NBPF8: variants seen among roughly 807,000 people sequenced by gnomAD.
NBPF8 encodes NBPF family member NBPF8.
At chr1:120,420,293 C>T (rs1301885296) in intron 1 of NBPF8, among the ~76,000 whole-genome samples, 175 bp downstream of exon 2, 1 of 151,484 alleles carries the variant, frequency 6.6e-6, no homozygotes, top group Non-Finnish European at 1.5e-5. Flanking sequence ...ACAGCGTGTG[C>T]CACCCTCGAC....
At chr1:120,430,513 G>T (rs1416196507) in intron 3 of NBPF8, among the ~76,000 whole-genome samples, 1 of 117,536 alleles carries the variant, frequency 8.5e-6, no homozygotes, top group Non-Finnish European at 1.7e-5. Context: ...TCAGCACTTT[G>T]GGAGGCCGAG....
chr1:120,415,588 AC>A (rs1317696765), upstream of NBPF8, among the ~76,000 whole-genome samples: 4 of 151,882 alleles, frequency 2.6e-5, no homozygotes, highest in African/African-American at 7.3e-5. Flanking sequence ...CCTGTGGAGG[AC>A]CCTGACCCCG....
chr1:120,415,199 G>A (rs1432350251), upstream of NBPF8, among the ~76,000 whole-genome samples: 3 of 152,204 alleles, frequency 2.0e-5, no homozygotes, highest in Non-Finnish European at 4.4e-5. Context: ...CGCCAGGAGC[G>A]GGCCGAGGCG....
chr1:120,459,714 T>C, intron 17 of NBPF8, among the ~76,000 whole-genome samples, 184 bp downstream of exon 15: 1 of 152,036 alleles, frequency 6.6e-6, no homozygotes, highest in South Asian at 2.1e-4. Flanking sequence ...GGTGGGTCAG[T>C]GAGCTTTGCT....
chr1:120,450,034 C>T (rs1178914186), intron 11 of NBPF8, among the ~76,000 whole-genome samples: 5 of 152,012 alleles, frequency 3.3e-5, no homozygotes, highest in Non-Finnish European at 5.9e-5. Flanking sequence ...TGGGACCAGC[C>T]TGGGCAACAT....
At chr1:120,424,002 T>G (rs1475343183) in intron 1 of NBPF8, among the ~76,000 whole-genome samples, 1 of 151,858 alleles carries the variant, frequency 6.6e-6, no homozygotes, top group African/African-American at 2.4e-5. Flanking sequence ...AACCCAATGA[T>G]GTAAGTTGAT....
upstream of NBPF8, chr1:120,433,351 TC>T (rs1456188957): frequency 2.6e-5 from 4 of 152,668 alleles, no homozygotes; most frequent in East Asian, 7.7e-4. Flanking sequence ...CATAAATACA[TC>T]AAAGTGAAAG....
At chr1:120,460,114 G>C (rs1296349545) in intron 17 of NBPF8, among the ~76,000 whole-genome samples, 1 of 152,136 alleles carries the variant, frequency 6.6e-6, no homozygotes, top group East Asian at 1.9e-4. Context: ...AGCCATAATA[G>C]CTGATGCTTC....
Position 120,465,987 on chromosome 1 carries a change from C to T in NBPF8, n.3578C>T, listed in dbSNP as rs1184854296. ...TTGTCTCCTTTTCCAGGCTCAACAG[C>T]GTGCTGATGGAAGTGGAAGAGCCTG... On this transcript the variant is annotated non_coding_transcript_exon_variant, in exon 25 of 25. Transcript: ENST00000583271. The T allele has an allele frequency of 1.0e-4, 168 of 1,611,250 alleles. 1 individual carries two copies. The East Asian group carries it at 2.8e-3, about 27-fold the overall frequency.
chr1:120,462,928 T>C (rs1443730699), exon 21 of NBPF8: 1 of 479,542 alleles, frequency 2.1e-6, no homozygotes, highest in Non-Finnish European at 3.5e-6. Context: ...GTTTACTCAT[T>C]GGAGGAACAG....
intron 16 of NBPF8, among the ~76,000 whole-genome samples, chr1:120,456,857 G>A (rs201686767): frequency 5.3e-5 from 8 of 151,890 alleles, no homozygotes; most frequent in South Asian, 2.1e-4. Context: ...TCTTCCTAGC[G>A]TCAATGGTCT....
chr1:120,466,198 A>T, exon 25 of NBPF8: 1 of 1,609,226 alleles, frequency 6.2e-7, no homozygotes, highest in Non-Finnish European at 8.5e-7. Flanking sequence ...GGTCTTCCAG[A>T]TGGGAGTCAT....
In NBPF8 at chr1:120,464,366, C is replaced by T. The variant is rs1434063400; in HGVS notation, n.3287-10C>T. 0.23 allele frequency: 176,482 copies of T among 775,086 alleles called. 27,841 individuals are homozygous for T. Among genetic ancestry groups the T allele is most frequent in the East Asian group, 0.69 (27,313 of 39,852 alleles). The allele number at this position is 775,086 out of a possible 1,614,324, so 48.0% of individuals were successfully genotyped here. ...CCTGGCGTATTCTTTACTTTTTCCT[C>T]CTTTTCCAGGCTCAGCAGGGAGCTG... On this transcript the variant is annotated splice_polypyrimidine_tract_variant and intron_variant and non_coding_transcript_variant, in intron 22 of 24. Transcript: ENST00000583271.
In NBPF8 at chr1:120,460,559, G is replaced by A; in HGVS notation, n.2785-14G>A. The stretch of plus-strand genomic sequence containing the variant: ...CTGCTTAATGTAAGAGGGCCCATAT[G>A]AATTTATTTGCAGGACATCGGTGGG... On this transcript the variant is annotated splice_polypyrimidine_tract_variant and intron_variant and non_coding_transcript_variant, in intron 17 of 24. Coordinates refer to ENST00000583271, the Ensembl canonical transcript of NBPF8. 1.4e-6 allele frequency: 2 copies of A among 1,407,286 alleles called. No homozygotes were observed. Among genetic ancestry groups the A allele is most frequent in the Non-Finnish European group, 2.0e-6 (2 of 1,003,790 alleles). The allele number at this position is 1,407,286 out of a possible 1,614,324, so 87.2% of individuals were successfully genotyped here. A position where few individuals can be genotyped will look rare whatever the true frequency, so the allele number is the denominator to read the frequency against.
chr1:120,464,576 G>T, intron 23 of NBPF8, 28 bp downstream of exon 21: 1 of 775,936 alleles, frequency 1.3e-6, no homozygotes, highest in Non-Finnish European at 2.4e-6. Context: ...AAGGTGATAA[G>T]GATCCACTGA....
chr1:120,421,867 A>G (rs1660586839), intron 1 of NBPF8, among the ~76,000 whole-genome samples: 1 of 151,924 alleles, frequency 6.6e-6, no homozygotes, highest in Non-Finnish European at 1.5e-5. Flanking sequence ...TGCACTGTCT[A>G]GATGACTGAG....
intron 2 of NBPF8, among the ~76,000 whole-genome samples, chr1:120,426,802 G>A (rs1199366615): frequency 1.3e-5 from 2 of 152,072 alleles, no homozygotes; most frequent in African/African-American, 4.8e-5. Flanking sequence ...AATGTGAAAT[G>A]ATGGGACAGA....
intron 1 of NBPF8, among the ~76,000 whole-genome samples, chr1:120,425,698 G>T (rs1196340702): frequency 6.6e-6 from 1 of 150,746 alleles, no homozygotes; most frequent in Non-Finnish European, 1.5e-5. Flanking sequence ...ACGCCCACAG[G>T]TGTGGAGGGG....
chr1:120,425,208 G>A (rs1660687198), intron 1 of NBPF8, among the ~76,000 whole-genome samples: 1 of 151,986 alleles, frequency 6.6e-6, no homozygotes, highest in East Asian at 1.9e-4. Context: ...AAAAGAGGAA[G>A]GAAGGCCTCT....
Sources: allele counts gnomAD v4.1 joint callset (sites outside exome capture counted in the v4.1 genomes callset), GRCh38; gene constraint gnomAD v4.1.1; transcripts MANE v1.5; gene names NCBI Gene and HGNC (gene_info 2026-07-23, HGNC 2026-07-21).